MED13L: variants seen among roughly 807,000 people sequenced by gnomAD.
MED13L encodes mediator complex subunit 13L.
Under a neutral mutation model 220.9 loss-of-function variants are expected in MED13L, and 7 were observed. That is an observed-to-expected ratio of 0.03 (90% CI 0.02 to 0.06). The LOEUF is 0.06. MED13L is among the 10% of genes least tolerant of loss of function. MED13L has a pLI of 1.00. For synonymous variants in MED13L, 1,011 were observed against 1,015.2 expected (o/e 1.00, Z 0.08); for missense variants, 1,965 against 2,760.5 (o/e 0.71, Z 6.46).
At chr12:116,033,731 T>C (rs1408232873) in intron 4 of MED13L, among the ~76,000 whole-genome samples, 2 of 151,692 alleles carry the variant, frequency 1.3e-5, no homozygotes, top group African/African-American at 4.8e-5. Flanking sequence ...TTTGGTTCTC[T>C]AAAGTATGAA....
At chr12:116,163,300 A>G (rs1879017659) in intron 2 of MED13L, among the ~76,000 whole-genome samples, 1 of 152,086 alleles carries the variant, frequency 6.6e-6, no homozygotes, top group South Asian at 2.1e-4. Flanking sequence ...AGTATATGAC[A>G]TTAAATATAT....
chr12:116,247,327 T>C (rs1220346171), intron 1 of MED13L, among the ~76,000 whole-genome samples: 1 of 152,198 alleles, frequency 6.6e-6, no homozygotes, highest in Non-Finnish European at 1.5e-5. Flanking sequence ...TATACTACTT[T>C]ATAGACTTAT....
At chr12:116,171,594 C>T (rs1879683786) in intron 2 of MED13L, among the ~76,000 whole-genome samples, 1 of 152,146 alleles carries the variant, frequency 6.6e-6, no homozygotes, top group African/African-American at 2.4e-5. Flanking sequence ...GCAATGGCTC[C>T]AGTTTTTTAA....
chr12:116,240,772 C>T (rs534457246), intron 1 of MED13L, among the ~76,000 whole-genome samples: 1 of 151,656 alleles, frequency 6.6e-6, no homozygotes, highest in East Asian at 2.0e-4. Flanking sequence ...CGTGACCCGC[C>T]CACCTCCGCC....
intron 5 of MED13L, among the ~76,000 whole-genome samples, chr12:116,021,570 A>G (rs1209951200): frequency 6.6e-6 from 1 of 152,176 alleles, no homozygotes; most frequent in Non-Finnish European, 1.5e-5. Flanking sequence ...AGAAAACAAA[A>G]AATAAATACA....
At chr12:116,089,185 CTTCTT>C in intron 4 of MED13L, among the ~76,000 whole-genome samples, 1 of 152,172 alleles carries the variant, frequency 6.6e-6, no homozygotes, top group South Asian at 2.1e-4. Flanking sequence ...TAAAATCTGC[CTTCTT>C]TTATGTCCAC....
chr12:115,986,198 T>G, intron 19 of MED13L, 68 bp downstream of exon 19: 1 of 1,437,934 alleles, frequency 7.0e-7, no homozygotes, highest in South Asian at 1.2e-5. Flanking sequence ...GTCTTGAAAT[T>G]TAGTCATCAC....
At chr12:115,999,110 ATAAAGT>A (rs2137340502) in intron 14 of MED13L, among the ~76,000 whole-genome samples, 1 of 152,300 alleles carries the variant, frequency 6.6e-6, no homozygotes, top group Non-Finnish European at 1.5e-5. Flanking sequence ...GATCTTTAAT[ATAAAGT>A]TAGTCTACAC....
chr12:116,248,918 G>C (rs1037149299), intron 1 of MED13L, among the ~76,000 whole-genome samples: 2 of 152,204 alleles, frequency 1.3e-5, no homozygotes, highest in Non-Finnish European at 2.9e-5. Flanking sequence ...AGACAACAGG[G>C]AGTACAGAGC....
At chr12:116,020,063 G>T in intron 5 of MED13L, 91 bp from the exon 6 acceptor site, 1 of 1,146,742 alleles carries the variant, frequency 8.7e-7, no homozygotes, top group Non-Finnish European at 1.3e-6. Flanking sequence ...TTAGGTTACA[G>T]TATCACTTAA....
intron 2 of MED13L, among the ~76,000 whole-genome samples, chr12:116,123,498 T>C (rs912573721): frequency 3.9e-5 from 6 of 152,170 alleles, no homozygotes; most frequent in African/African-American, 1.4e-4. Flanking sequence ...ATTAGCACAA[T>C]TGAGAAGTAA....
chr12:116,002,158 A>AT (rs1878786365), intron 14 of MED13L, among the ~76,000 whole-genome samples: 1 of 152,192 alleles, frequency 6.6e-6, no homozygotes, highest in Non-Finnish European at 1.5e-5. Flanking sequence ...ATCATTATTC[A>AT]TTTTCACCCA....
intron 4 of MED13L, among the ~76,000 whole-genome samples, chr12:116,071,267 C>T (rs1490169823): frequency 1.3e-5 from 2 of 152,148 alleles, no homozygotes; most frequent in Admixed American, 1.3e-4. Context: ...ACTTCTTTAT[C>T]TCAATTTTGG....
intron 2 of MED13L, among the ~76,000 whole-genome samples, chr12:116,124,033 C>T (rs1875324224): frequency 6.6e-6 from 1 of 151,948 alleles, no homozygotes; most frequent in Non-Finnish European, 1.5e-5. Flanking sequence ...TATGAGCTGC[C>T]AGCCATACTG....
At chr12:116,074,396 A>T (rs1392956925) in intron 4 of MED13L, among the ~76,000 whole-genome samples, 1 of 152,230 alleles carries the variant, frequency 6.6e-6, no homozygotes, top group African/African-American at 2.4e-5. Context: ...CTCTGCCTCA[A>T]AACAACAACA....
intron 1 of MED13L, among the ~76,000 whole-genome samples, chr12:116,271,036 G>A (rs1460713970): frequency 2.6e-5 from 2 of 75,992 alleles, no homozygotes; most frequent in Non-Finnish European, 4.1e-5. Context: ...GCGAGACTCC[G>A]TCTCAAAAAA....
intron 4 of MED13L, among the ~76,000 whole-genome samples, chr12:116,041,606 A>G (rs1780432285): frequency 6.6e-6 from 1 of 152,206 alleles, no homozygotes; most frequent in African/African-American, 2.4e-5. Context: ...GCACTTTGGG[A>G]GGCCAAGGCG....
At chr12:116,145,693 A>ATTTATTTATTTG (rs1877439290) in intron 2 of MED13L, among the ~76,000 whole-genome samples, 1 of 139,744 alleles carries the variant, frequency 7.2e-6, no homozygotes, top group South Asian at 2.3e-4. Flanking sequence ...TTATTTATTT[A>ATTTATTTATTTG]TTTATTTATT....
intron 2 of MED13L, among the ~76,000 whole-genome samples, chr12:116,154,504 G>A (rs1014942260): frequency 6.6e-6 from 1 of 152,096 alleles, no homozygotes; most frequent in South Asian, 2.1e-4. Context: ...CCATGCAAAC[G>A]ATTTGTTTTT....
Sources: allele counts gnomAD v4.1 joint callset (sites outside exome capture counted in the v4.1 genomes callset), GRCh38; gene constraint gnomAD v4.1.1; transcripts MANE v1.5; gene names NCBI Gene and HGNC (gene_info 2026-07-23, HGNC 2026-07-21).